The following MAP4K1 variants were observed in gnomAD, a reference collection of about 807,000 sequenced individuals.
MAP4K1 encodes the protein mitogen-activated protein kinase kinase kinase kinase 1.
In MAP4K1, 35 loss-of-function variants were observed where a neutral mutation model predicts 122.8. That is an observed-to-expected ratio of 0.29 (90% CI 0.22 to 0.38). MAP4K1 has a LOEUF of 0.38. Ranked by LOEUF, MAP4K1 falls within the 10% of genes least tolerant of loss-of-function variation. The probability of loss-of-function intolerance (pLI) is 1.00; values close to 1 mark genes in which losing one functional copy is unlikely to be tolerated. For synonymous variants in MAP4K1, 412 were observed against 421.3 expected, an observed-to-expected ratio of 0.98 and a Z score of 0.27; for missense variants, 791 against 1,072.6, an observed-to-expected ratio of 0.74 and a Z score of 3.67.
chr19:38,610,169 G>A lies in MAP4K1; in HGVS notation c.811-144C>T, dbSNP rs139313930. 426 of 612,260 alleles carry A rather than the reference G, an allele frequency of 7.0e-4. 2 individuals carry two copies. The East Asian group carries it at 7.9e-3, about 11-fold the overall frequency. The allele number at this position is 612,260 out of a possible 1,614,324, so 37.9% of individuals were successfully genotyped here. A position where few individuals can be genotyped will look rare whatever the true frequency, so the allele number is the denominator to read the frequency against. ...GAAGGTGCCAGTGAAGGCAGAGGGC[G>A]GGGAAATCCAGGGAACTCAGAGGCC... On this transcript the variant is annotated intron_variant, in intron 11 of 30. Coordinates refer to ENST00000396857, the MANE Select transcript of MAP4K1 (RefSeq NM_001042600.3).
chr19:38,603,464 G>A (rs1975227796), intron 19 of MAP4K1, among the ~76,000 whole-genome samples: 1 of 151,420 alleles, frequency 6.6e-6, no homozygotes, highest in African/African-American at 2.4e-5. Context: ...GTGTATATAT[G>A]TATATGTATA....
chr19:38,595,361 A>G lies in MAP4K1; in HGVS notation c.2340+124T>C. On this transcript the variant is annotated intron_variant, in intron 29 of 30. Coordinates refer to ENST00000396857, the MANE Select transcript of MAP4K1 (RefSeq NM_001042600.3). Reference sequence around the variant, plus strand: ...AAAGAAGGGGATCTATCTGAACTGAAATTTGGAAGATGTTTCCCCTCCAGG... The same window carrying G: ...AAAGAAGGGGATCTATCTGAACTGAGATTTGGAAGATGTTTCCCCTCCAGG... 3 of 765,756 alleles carry G rather than the reference A, an allele frequency of 3.9e-6. No individual in the cohort carries two copies. The South Asian group carries it at 5.6e-5, about 14-fold the overall frequency. 47.4% of individuals were successfully genotyped at this position (765,756 alleles called of 1,614,324 possible). A position where few individuals can be genotyped will look rare whatever the true frequency, so the allele number is the denominator to read the frequency against.
chr19:38,611,792 G>A (rs1159486329), intron 9 of MAP4K1, among the ~76,000 whole-genome samples: 1 of 148,656 alleles, frequency 6.7e-6, no homozygotes, highest in African/African-American at 2.5e-5. Context: ...AAAATAATAA[G>A]AATTAATTAA....
At chr19:38,604,081 G>C (rs566479755) in intron 19 of MAP4K1, among the ~76,000 whole-genome samples, 1 of 137,694 alleles carries the variant, frequency 7.3e-6, no homozygotes, top group Non-Finnish European at 1.5e-5. Context: ...AGCCATGATC[G>C]CGCCACTGCA....
At position 38,608,799 on chromosome 19, in the gene MAP4K1, CAAAAAAAAA is replaced by C. The variant is rs1031744033; in HGVS notation, c.1007-638_1007-630del. 1.2e-3 allele frequency among the ~76,000 whole-genome samples: 11 copies of C among 9,558 alleles called. No individual in the cohort carries two copies. The East Asian group carries it at 0.012, about 10-fold the overall frequency. The allele number at this position is 9,558 out of a possible 152,430, so 6.3% of individuals were successfully genotyped here. A position where few individuals can be genotyped will look rare whatever the true frequency, so the allele number is the denominator to read the frequency against. ...TGGGCGACAGAGTGAAACTCCGTCT[CAAAAAAAAA>C]AAAAAAAAAAAAAAAAAAAAACATT... On this transcript the variant is annotated intron_variant, in intron 13 of 30. Transcript: ENST00000396857.
At position 38,601,426 on chromosome 19, in the gene MAP4K1, C is replaced by T. The variant is rs1245074381; in HGVS notation, c.1531+15G>A. The T allele has an allele frequency of 6.3e-7, 1 of 1,598,604 alleles. No homozygotes were observed. Among genetic ancestry groups the T allele is most frequent in the African/African-American group, 1.3e-5 (1 of 74,666 alleles). On this transcript the variant is annotated intron_variant, in intron 20 of 30. Coordinates refer to ENST00000396857, the MANE Select transcript of MAP4K1 (RefSeq NM_001042600.3). ...CATTCCCTACAGGATCTCCTTGACC[C>T]TCCAGAATGCCCACCCTTGGTGGAG...
intron 19 of MAP4K1, among the ~76,000 whole-genome samples, chr19:38,604,364 G>A (rs184565339): frequency 1.5e-3 from 231 of 152,250 alleles, no homozygotes; most frequent in African/African-American, 5.3e-3. Context: ...AACTGCATAT[G>A]TGGTAGTGAC....
chr19:38,606,425 C>T (rs1408338128), intron 16 of MAP4K1, among the ~76,000 whole-genome samples: 1 of 152,116 alleles, frequency 6.6e-6, no homozygotes, highest in Non-Finnish European at 1.5e-5. Context: ...TTTGGGAGGC[C>T]AGGGCAGGAT....
At chr19:38,615,298 T>G in intron 4 of MAP4K1, among the ~76,000 whole-genome samples, 1 of 143,450 alleles carries the variant, frequency 7.0e-6, no homozygotes. Context: ...TGATGAGGAG[T>G]CTGGGCTTCT....
At chr19:38,610,906 CG>C (rs1568639458) in intron 11 of MAP4K1, 144 bp downstream of exon 11, 2 of 707,084 alleles carry the variant, frequency 2.8e-6, no homozygotes, top group Non-Finnish European at 2.5e-6. Context: ...CTCTGGTGGT[CG>C]GGGGTGGTCC....
intron 16 of MAP4K1, among the ~76,000 whole-genome samples, chr19:38,606,779 C>T (rs1975341752): frequency 2.6e-5 from 4 of 152,240 alleles, no homozygotes; most frequent in Admixed American, 2.6e-4. Context: ...TGCACCACGG[C>T]TTTGCACCTT....
intron 7 of MAP4K1, 21 bp from the exon 8 acceptor site, chr19:38,613,973 AGT>A: frequency 1.9e-6 from 3 of 1,613,810 alleles, no homozygotes; most frequent in Non-Finnish European, 2.5e-6. Flanking sequence ...AGGGAGACAT[AGT>A]GATCTGGGGT....
chr19:38,594,810 A>T (rs1179686853), intron 29 of MAP4K1, among the ~76,000 whole-genome samples: 1 of 146,048 alleles, frequency 6.8e-6, no homozygotes, highest in African/African-American at 2.6e-5. Context: ...GCATGGCGGC[A>T]TGCACCTGTA....
At chr19:38,588,700 C>T (rs10410398) in intron 30 of MAP4K1, among the ~76,000 whole-genome samples, 16,673 of 148,694 alleles carry the variant, frequency 0.11, 1,823 homozygotes, top group African/African-American at 0.27. Context: ...TGCAGTGAGC[C>T]GAGATAGCGC....
At position 38,600,291 on chromosome 19, in the gene MAP4K1, C is replaced by T. The variant is rs913869451; in HGVS notation, c.1532-138G>A. The T allele has an allele frequency of 7.1e-6, 5 of 707,688 alleles. No individual in the cohort carries two copies. In the Admixed American group the frequency reaches 9.4e-5, roughly 13 times the overall value. 43.8% of individuals were successfully genotyped at this position (707,688 alleles called of 1,614,324 possible). A position where few individuals can be genotyped will look rare whatever the true frequency, so the allele number is the denominator to read the frequency against. ...CTTTCTCCAAACCAATACTCCCAGC[C>T]TCTGTTTCCCCAAACAAAGCCAGAG... On this transcript the variant is annotated intron_variant, in intron 20 of 30. Transcript: ENST00000396857.
At chr19:38,616,313 C>T in intron 3 of MAP4K1, 54 bp from the exon 4 acceptor site, 1 of 1,424,654 alleles carries the variant, frequency 7.0e-7, no homozygotes, top group Non-Finnish European at 9.7e-7. Context: ...TTATTATTTG[C>T]AGGAAAGCCC....
chr19:38,607,756 G>C, intron 16 of MAP4K1, 108 bp downstream of exon 16: 4 of 1,226,400 alleles, frequency 3.3e-6, no homozygotes, highest in Non-Finnish European at 4.6e-6. Context: ...CTAGAAGAAA[G>C]GCAGGGGTGC....
chr19:38,590,342 G>A (rs78501422), intron 30 of MAP4K1, among the ~76,000 whole-genome samples: 104,354 of 104,360 alleles, frequency 1, 52,174 homozygotes, highest in Middle Eastern at 1. Context: ...AAGAAACATG[G>A]CTCCTAAGTG....
chr19:38,589,810 T>C (rs1036655135), intron 30 of MAP4K1, among the ~76,000 whole-genome samples: 4 of 152,094 alleles, frequency 2.6e-5, no homozygotes, highest in African/African-American at 9.7e-5. Context: ...CAGGTGAATC[T>C]CTTGAGTCCA....
Sources: gnomAD v4.1 joint callset for allele counts (sites outside exome capture counted in the v4.1 genomes callset) on GRCh38, gnomAD v4.1.1 for gene constraint, MANE v1.5 for transcripts, NCBI Gene and HGNC (gene_info 2026-07-23, HGNC 2026-07-21) for gene names.